SACS: variants seen among roughly 807,000 people sequenced by gnomAD.
SACS encodes sacsin.
A neutral mutation model predicts 348.0 loss-of-function variants in SACS; 197 were observed. The observed-to-expected ratio is 0.57, with a 90% CI of 0.50 to 0.64. The LOEUF is 0.64. Ranked by LOEUF, SACS falls within the 30% of genes least tolerant of loss-of-function variation. The pLI is 0.00. For missense variants in SACS, 4,999 were observed against 5,360.8 expected, an observed-to-expected ratio of 0.93 and a Z score of 2.11; for synonymous variants, 1,985 against 1,910.6, an observed-to-expected ratio of 1.04 and a Z score of -1.02.
chr13:23,425,716 CCCGA>C (rs940878956), intron 1 of SACS, among the ~76,000 whole-genome samples: 1 of 152,090 alleles, frequency 6.6e-6, no homozygotes, highest in African/African-American at 2.4e-5. Context: ...GTTAAGTTGC[CCCGA>C]CTGCTCTGCT....
chr13:23,337,012 T>C lies in SACS; in HGVS notation c.6864A>G (p.Pro2288=), dbSNP rs756561578. Residue 2288 remains proline, a synonymous_variant, in exon 10 of 10, where the codon CCA becomes CCG. Coordinates refer to ENST00000382292, the MANE Select transcript of SACS (RefSeq NM_014363.6). ...ATTGGTTTATAACCAGATCAACTGT[T>C]GGCTTCTTGAGTAATCCCAAAAACT... ...VKEFLGLLKK[P]TVDLVINQLK... is the part of the protein sequence containing the mutation. 1.2e-6 allele frequency: 2 copies of C among 1,614,036 alleles called. No individual in the cohort carries two copies. Among genetic ancestry groups the C allele is most frequent in the South Asian group, 1.1e-5 (1 of 91,082 alleles).
At chr13:23,405,991 T>C (rs374339141) in intron 2 of SACS, among the ~76,000 whole-genome samples, 37 of 151,016 alleles carry the variant, frequency 2.5e-4, no homozygotes, top group African/African-American at 8.9e-4. Context: ...GATTCCTCAC[T>C]GTCCAGAAAT....
chr13:23,368,831 T>C (rs1266183340), intron 4 of SACS, among the ~76,000 whole-genome samples: 2 of 152,126 alleles, frequency 1.3e-5, no homozygotes, highest in African/African-American at 4.8e-5. Flanking sequence ...CCCGAATAGC[T>C]GGGACTACAG....
In SACS at chr13:23,408,545, T is replaced by C. The variant is rs563744835; in HGVS notation, c.20+2675A>G. On this transcript the variant is annotated intron_variant, in intron 2 of 9. Coordinates refer to ENST00000382292, the MANE Select transcript of SACS (RefSeq NM_014363.6). ...TAATTTAACTGCTTTTCCCACAATA[T>C]TTCCATAAAGCCAGGGCCTGAGAAG... Among the ~76,000 whole-genome samples the C allele has an allele frequency of 2.6e-5, 4 of 152,342 alleles. No individual in the cohort carries two copies. In the East Asian group the frequency reaches 7.7e-4, roughly 29 times the overall value.
intron 2 of SACS, among the ~76,000 whole-genome samples, chr13:23,397,328 A>T (rs1292744152): frequency 2.6e-5 from 4 of 152,214 alleles, no homozygotes; most frequent in Non-Finnish European, 5.9e-5. Context: ...GAAAGAAACA[A>T]ATATAGGACA....
Position 23,338,314 on chromosome 13 carries a change from T to C in SACS, c.5562A>G (p.Ser1854=). 1 of 1,614,174 alleles carries C rather than the reference T, an allele frequency of 6.2e-7. No individual in the cohort carries two copies. Among genetic ancestry groups the C allele is most frequent in the South Asian group, 1.1e-5 (1 of 91,088 alleles). Residue 1854 remains serine (S), a synonymous_variant, in exon 10 of 10, where the codon TCA becomes TCG. Transcript: ENST00000382292. ...CTGTCCACTTCTGGTCCTGGATTTCTGACAGCTGAACTCCTACTGCCCCAC... is the reference window on the plus strand; with the variant it reads ...CTGTCCACTTCTGGTCCTGGATTTCCGACAGCTGAACTCCTACTGCCCCAC... The part of the protein sequence containing the change: ...VPCGAVGVQL[S]EIQDQKWTVK...
intron 1 of SACS, among the ~76,000 whole-genome samples, chr13:23,419,706 C>T (rs1034489025): frequency 1.3e-5 from 2 of 152,266 alleles, no homozygotes; most frequent in Admixed American, 6.5e-5. Flanking sequence ...GCATTGCACT[C>T]GTGTTGGTTG....
rs199806204 is a variant in SACS, at chr13:23,355,075, T to C, written c.1537A>G (p.Ile513Val). 35 of 1,614,240 alleles carry C rather than the reference T, an allele frequency of 2.2e-5. No homozygotes were observed. In the East Asian group the frequency reaches 2.7e-4, roughly 12 times the overall value. ...CTCTTTTCCATCTCCAGACGTTTTA[T>C]TGAATCTAAGATCAGAGTAGCATAA... ...KAYATLILDS[I>V]KRLEMEKSSD... is the part of the protein sequence containing the mutation. The change falls in exon 8 of 10, where the codon ATA becomes GTA. Residue 513 changes from isoleucine (I) to valine (V), a missense_variant. Ile to Val is a conservative substitution (Grantham distance 29). Around this residue, in one of 6 missense-constraint regions of SACS, gnomAD observed 3,156 missense variants for 3,380.1 expected, o/e 0.93. Coordinates refer to ENST00000382292, the MANE Select transcript of SACS (RefSeq NM_014363.6).
intron 6 of SACS, among the ~76,000 whole-genome samples, chr13:23,363,559 C>G (rs974539473): frequency 6.6e-6 from 1 of 152,166 alleles, no homozygotes; most frequent in African/African-American, 2.4e-5. Flanking sequence ...TTTTAAAGAG[C>G]CTATCTCTAA....
At chr13:23,433,356 A>G (rs9578597) in intron 1 of SACS, among the ~76,000 whole-genome samples, 13,855 of 152,136 alleles carry the variant, frequency 0.091, 838 homozygotes, top group African/African-American at 0.16. Context: ...CAAGCAGCCA[A>G]CCCAAACTGT....
At chr13:23,384,547 A>C (rs923025766) in intron 2 of SACS, among the ~76,000 whole-genome samples, 3 of 152,238 alleles carry the variant, frequency 2.0e-5, no homozygotes, top group Non-Finnish European at 4.4e-5. Flanking sequence ...AGATATTAAT[A>C]AACTAGTTAT....
chr13:23,406,280 C>A (rs550140064), intron 2 of SACS, among the ~76,000 whole-genome samples: 1 of 151,662 alleles, frequency 6.6e-6, no homozygotes, highest in East Asian at 1.9e-4. Context: ...AACACAGGAA[C>A]AGAAAACCAA....
At chr13:23,368,852 C>T (rs912176011) in intron 4 of SACS, among the ~76,000 whole-genome samples, 3 of 152,210 alleles carry the variant, frequency 2.0e-5, no homozygotes, top group Non-Finnish European at 2.9e-5. Flanking sequence ...GTGCCCACCA[C>T]CATGCCCAGC....
chr13:23,383,025 A>T (rs951503138), intron 2 of SACS, among the ~76,000 whole-genome samples: 5 of 148,618 alleles, frequency 3.4e-5, no homozygotes, highest in Admixed American at 6.8e-5. Context: ...GATAGAAAAC[A>T]TATTTTTAAA....
At position 23,353,967 on chromosome 13, in the gene SACS, CGACT is replaced by C. The variant is rs748714397; in HGVS notation, c.2094-95_2094-92del. 123 of 803,404 alleles carry C rather than the reference CGACT, an allele frequency of 1.5e-4. 1 individual carries two copies. The highest frequency in any genetic ancestry group is 5.6e-4 in the South Asian group (39 of 69,628). The allele number at this position is 803,404 out of a possible 1,614,324, so 49.8% of individuals were successfully genotyped here. ...TCACATATTTTCAAGTCAGTTAAGCCGACTATTTTATTTTACATAAATTATAATG... is the reference window on the plus strand; with the variant it reads ...TCACATATTTTCAAGTCAGTTAAGCCATTTTATTTTACATAAATTATAATG... On this transcript the variant is annotated intron_variant, in intron 8 of 9. Coordinates refer to ENST00000382292, the MANE Select transcript of SACS (RefSeq NM_014363.6).
rs1883362642 is a variant in SACS at position 23,329,967 on chromosome 13, TAAG to T, written c.*166_*168del. 1 of 655,154 alleles carries T rather than the reference TAAG, an allele frequency of 1.5e-6. No individual in the cohort carries two copies. The highest frequency in any genetic ancestry group is 2.8e-5 in the Admixed American group (1 of 36,046). The allele number at this position is 655,154 out of a possible 1,614,324, so 40.6% of individuals were successfully genotyped here. ...AAAATAGTTTTCTTTTAGATTCAGT[TAAG>T]GTTTTCCGTTGGTATTCATGTTCAT... On this transcript the variant is annotated 3_prime_UTR_variant, in exon 10 of 10. Coordinates refer to ENST00000382292, the MANE Select transcript of SACS (RefSeq NM_014363.6).
chr13:23,400,473 T>C (rs1196232474), intron 2 of SACS, among the ~76,000 whole-genome samples: 1 of 152,166 alleles, frequency 6.6e-6, no homozygotes, highest in African/African-American at 2.4e-5. Flanking sequence ...CAGGCTGGAG[T>C]GCAGTGGTGC....
At chr13:23,385,018 T>G (rs1195228870) in intron 2 of SACS, among the ~76,000 whole-genome samples, 3 of 152,108 alleles carry the variant, frequency 2.0e-5, no homozygotes, top group Non-Finnish European at 2.9e-5. Flanking sequence ...TCCCAGGACT[T>G]TGGGAGGCCG....
rs1371958345 is a variant in SACS at position 23,355,875 on chromosome 13, T to G, written c.737A>C (p.Gln246Pro). Residue 246 changes from glutamine to proline, a missense_variant, in exon 8 of 10, where the codon CAG becomes CCG. By Grantham distance (76) the Gln-to-Pro change is moderately conservative (BLOSUM62 -1). This residue lies in a region of SACS where 3,156 missense variants were observed against 3,380.1 expected (regional missense o/e 0.93). Transcript: ENST00000382292. Reference protein sequence around the residue: ...DSKEISELSDQFAPFVGIFGS... With the variant: ...DSKEISELSDPFAPFVGIFGS... ...AAAAATGCCAACAAATGGTGCAAAC[T>G]GGTCTGAAAGTTCACTAATTTCTTT... 1 of 1,614,090 alleles carries G rather than the reference T, an allele frequency of 6.2e-7. No homozygotes were observed. The highest frequency in any genetic ancestry group is 8.5e-7 in the Non-Finnish European group (1 of 1,180,034).
Sources: gnomAD v4.1 joint callset for allele counts (sites outside exome capture counted in the v4.1 genomes callset) on GRCh38, gnomAD v4.1.1 for gene constraint, gnomAD v4.1.1 regional missense constraint, MANE v1.5 for transcripts, NCBI Gene and HGNC (gene_info 2026-07-23, HGNC 2026-07-21) for gene names.